Variants in AMDHD2 observed in about 807,000 individuals in gnomAD.
AMDHD2 encodes N-acetylglucosamine-6-phosphate deacetylase.
AMDHD2 carries 24 observed loss-of-function variants against 41.8 expected under a neutral mutation model. The ratio of observed to expected loss-of-function variants is 0.57; its 90% confidence interval spans 0.42 to 0.81. The LOEUF is 0.81. Ranked by LOEUF, AMDHD2 falls within the 30% of genes least tolerant of loss-of-function variation. The pLI, the probability that AMDHD2 is intolerant of heterozygous loss-of-function variation, is 0.00. For missense variants in AMDHD2, 540 were observed against 588.5 expected (o/e 0.92, Z 0.85); for synonymous variants, 332 against 255.5 (o/e 1.30, Z -2.85).
Position 2,527,235 on chromosome 16 carries a change from G to C in AMDHD2, c.361-326G>C. The C allele has an allele frequency of 4.4e-6, 2 of 454,962 alleles. No individual in the cohort carries two copies. Among genetic ancestry groups the C allele is most frequent in the South Asian group, 5.1e-5 (2 of 39,054 alleles). 28.2% of individuals were successfully genotyped at this position (454,962 alleles called of 1,614,324 possible). On this transcript the variant is annotated intron_variant, in intron 3 of 10. Transcript: ENST00000293971. The surrounding 1 kb of genome is among the most constrained non-coding windows in gnomAD (Gnocchi z 6.1). ...CATGCCCACACTGAGCTCTGCCCCA[G>C]GGTCCCTGCTGCTCCCAGGAGCCTC...
In AMDHD2 at chr16:2,520,422, G is replaced by T; in HGVS notation, c.-37G>T. ...ACTGGGCGCGGGATTTGGCCGCCGC[G>T]GGGCTCCGGAGCCGCTCGCTCCCGA... On this transcript the variant is annotated 5_prime_UTR_variant, in exon 1 of 11. Transcript: ENST00000293971. 1 of 1,223,992 alleles carries T rather than the reference G, an allele frequency of 8.2e-7. No individual in the cohort carries two copies. The highest frequency in any genetic ancestry group is 1.0e-6 in the Non-Finnish European group (1 of 979,146). 75.8% of individuals were successfully genotyped at this position (1,223,992 alleles called of 1,614,324 possible).
rs1247913804 is a variant in AMDHD2, at chr16:2,527,781, C to T, written c.424C>T (p.Leu142=). The T allele has an allele frequency of 7.6e-6, 12 of 1,577,420 alleles. No individual in the cohort carries two copies. Among genetic ancestry groups the T allele is most frequent in the Middle Eastern group, 1.8e-4 (1 of 5,694 alleles). The part of the protein sequence containing the change: ...PHGAGVLGLH[L]EGPFISREKR... ...TTGCTCCCTCCTCCCAGGGCTGCAC[C>T]TGGAGGGCCCCTTCATCAGCCGGGA... The change falls in exon 5 of 11, where the codon CTG becomes TTG. Residue 142 remains leucine, a synonymous_variant. Coordinates refer to ENST00000293971, the MANE Select transcript of AMDHD2 (RefSeq NM_001330449.2). The surrounding 1 kb of genome is among the most constrained non-coding windows in gnomAD (Gnocchi z 6.1).
Position 2,530,951 on chromosome 16 carries a change from G to A in AMDHD2, c.*1388G>A. 2 of 1,613,594 alleles carry A rather than the reference G, an allele frequency of 1.2e-6. No homozygotes were observed. The highest frequency in any genetic ancestry group is 4.5e-5 in the East Asian group (2 of 44,888). On this transcript the variant is annotated 3_prime_UTR_variant, in exon 11 of 11. Coordinates refer to ENST00000293971, the MANE Select transcript of AMDHD2 (RefSeq NM_001330449.2). ...CAGCGCCTGCCTGTGCTGGGCCTGGGAGAGGAGCTGTCTTGCCAGGGCTCC... is the reference window on the plus strand; with the variant it reads ...CAGCGCCTGCCTGTGCTGGGCCTGGAAGAGGAGCTGTCTTGCCAGGGCTCC...
chr16:2,521,801 T>TG (rs2065942445), intron 3 of AMDHD2, among the ~76,000 whole-genome samples: 2 of 144,230 alleles, frequency 1.4e-5, no homozygotes, highest in African/African-American at 5.5e-5. Flanking sequence ...TTTTTTTTTT[T>TG]GAGACGGAGT....
At chr16:2,525,443 T>A (rs774635474) in intron 3 of AMDHD2, among the ~76,000 whole-genome samples, 21 of 151,692 alleles carry the variant, frequency 1.4e-4, no homozygotes, top group Non-Finnish European at 2.6e-4. Flanking sequence ...CTCGGCTTAC[T>A]GCAACCTCTG....
chr16:2,524,139 C>T (rs1235650766), intron 3 of AMDHD2, among the ~76,000 whole-genome samples: 2 of 152,224 alleles, frequency 1.3e-5, no homozygotes, highest in African/African-American at 4.8e-5. Context: ...ACTGGAGGCC[C>T]CTTTTCACTC....
At chr16:2,524,396 G>T (rs2065977967) in intron 3 of AMDHD2, among the ~76,000 whole-genome samples, 2 of 152,134 alleles carry the variant, frequency 1.3e-5, no homozygotes, top group Admixed American at 1.3e-4. Flanking sequence ...CCTCCAGGGG[G>T]CAGCCAGGCC....
At position 2,529,577 on chromosome 16, in the gene AMDHD2, TGA is replaced by T. The variant is rs751414050; in HGVS notation, c.*18_*19del. 3.7e-6 allele frequency: 6 copies of T among 1,605,646 alleles called. No homozygotes were observed. The highest frequency in any genetic ancestry group is 2.2e-5 in the East Asian group (1 of 44,876). On this transcript the variant is annotated 3_prime_UTR_variant, in exon 11 of 11. Coordinates refer to ENST00000293971, the MANE Select transcript of AMDHD2 (RefSeq NM_001330449.2). The stretch of plus-strand genomic sequence containing the variant: ...GCTAGGCAGTGACAAGGACCTCGGC[TGA>T]GAGGACACCTGGCCGCAGCGGGATG...
chr16:2,531,372 T>G lies in AMDHD2; in HGVS notation c.*1809T>G, dbSNP rs2066094738. On this transcript the variant is annotated 3_prime_UTR_variant, in exon 11 of 11. Coordinates refer to ENST00000293971, the MANE Select transcript of AMDHD2 (RefSeq NM_001330449.2). ...GCACTCTTGGTTGGTTTTGGTTTGC[T>G]TTTTAAAAATTGTGGTAAAATACAT... 1 of 504,760 alleles carries G rather than the reference T, an allele frequency of 2.0e-6. No individual in the cohort carries two copies. The highest frequency in any genetic ancestry group is 3.6e-6 in the Non-Finnish European group (1 of 276,654). 31.3% of individuals were successfully genotyped at this position (504,760 alleles called of 1,614,324 possible). A position where few individuals can be genotyped will look rare whatever the true frequency, so the allele number is the denominator to read the frequency against.
chr16:2,527,634 C>T lies in AMDHD2; in HGVS notation c.415+19C>T, dbSNP rs755389636. On this transcript the variant is annotated intron_variant, in intron 4 of 10. Coordinates refer to ENST00000293971, the MANE Select transcript of AMDHD2 (RefSeq NM_001330449.2). The surrounding 1 kb of genome is among the most constrained non-coding windows in gnomAD (Gnocchi z 6.1). ...GTCCTCGGTGAGTGGCTGACCTCCT[C>T]CCCGCCCCCACCCTGGGAGGCTCCT... 1 of 1,605,642 alleles carries T rather than the reference C, an allele frequency of 6.2e-7. No homozygotes were observed. Among genetic ancestry groups the T allele is most frequent in the South Asian group, 1.1e-5 (1 of 89,684 alleles).
rs147116016 is a variant in AMDHD2 at position 2,527,308 on chromosome 16, C to CA, written c.361-252dup. On this transcript the variant is annotated intron_variant, in intron 3 of 10. Transcript: ENST00000293971. The surrounding 1 kb of genome is among the most constrained non-coding windows in gnomAD (Gnocchi z 6.1). Reference sequence around the variant, plus strand: ...GGGCTGCTGTGCCCAGGGCCACCCTCAGTGCCCACAAGCCTGCCCACATGG... The same window carrying CA: ...GGGCTGCTGTGCCCAGGGCCACCCTCAAGTGCCCACAAGCCTGCCCACATGG... Among the ~76,000 whole-genome samples the CA allele has an allele frequency of 0.024, 3,590 of 152,260 alleles. 146 individuals carry two copies. The highest frequency in any genetic ancestry group is 0.08 in the African/African-American group (3,334 of 41,516).
Position 2,530,161 on chromosome 16 carries a change from G to C in AMDHD2, c.*598G>C. On this transcript the variant is annotated 3_prime_UTR_variant, in exon 11 of 11. Transcript: ENST00000293971. ...GAGGGAGACTGGGCCCGGGACCCCT[G>C]TTTTCTGCTCCCTGGACTGCCTAGC... 1 of 1,446,920 alleles carries C rather than the reference G, an allele frequency of 6.9e-7. No homozygotes were observed. The highest frequency in any genetic ancestry group is 9.1e-7 in the Non-Finnish European group (1 of 1,097,650). The allele number at this position is 1,446,920 out of a possible 1,614,324, so 89.6% of individuals were successfully genotyped here. A position where few individuals can be genotyped will look rare whatever the true frequency, so the allele number is the denominator to read the frequency against.
At position 2,529,585 on chromosome 16, in the gene AMDHD2, C is replaced by A; in HGVS notation, c.*22C>A. ...GTGACAAGGACCTCGGCTGAGAGGA[C>A]ACCTGGCCGCAGCGGGATGCCATCA... On this transcript the variant is annotated 3_prime_UTR_variant, in exon 11 of 11. Transcript: ENST00000293971. The A allele has an allele frequency of 6.2e-7, 1 of 1,604,560 alleles. No individual in the cohort carries two copies. The highest frequency in any genetic ancestry group is 1.1e-5 in the South Asian group (1 of 91,080).
At position 2,529,544 on chromosome 16, in the gene AMDHD2, C is replaced by A; in HGVS notation, c.1211C>A (p.Ala404Glu). 6.3e-7 allele frequency: 1 copy of A among 1,578,350 alleles called. No homozygotes were observed. Reference protein sequence around the residue: ...TYISGELVWQADAARQ With the variant: ...TYISGELVWQEDAARQ ...ATCTCGGGTGAGCTGGTGTGGCAGGCGGACGCAGCTAGGCAGTGACAAGGA... is the reference window on the plus strand; with the variant it reads ...ATCTCGGGTGAGCTGGTGTGGCAGGAGGACGCAGCTAGGCAGTGACAAGGA... The change falls in exon 11 of 11, where the codon GCG (alanine) becomes GAG (glutamate). Residue 404 changes from alanine (A) to glutamate (E), a missense_variant. Coordinates refer to ENST00000293971, the MANE Select transcript of AMDHD2 (RefSeq NM_001330449.2).
chr16:2,530,937 T>C lies in AMDHD2; in HGVS notation c.*1374T>C, dbSNP rs2066086001. The C allele has an allele frequency of 6.2e-7, 1 of 1,613,386 alleles. No homozygotes were observed. ...AGGAAGTGGCTGTCCAGCGCCTGCC[T>C]GTGCTGGGCCTGGGAGAGGAGCTGT... On this transcript the variant is annotated 3_prime_UTR_variant, in exon 11 of 11. Coordinates refer to ENST00000293971, the MANE Select transcript of AMDHD2 (RefSeq NM_001330449.2).
rs2066061234 is a variant in AMDHD2, at chr16:2,529,815, G to A, written c.*252G>A. 8.4e-6 allele frequency: 12 copies of A among 1,427,098 alleles called. No individual in the cohort carries two copies. Among genetic ancestry groups the A allele is most frequent in the Non-Finnish European group, 1.1e-5 (12 of 1,094,236 alleles). 88.4% of individuals were successfully genotyped at this position (1,427,098 alleles called of 1,614,324 possible). On this transcript the variant is annotated 3_prime_UTR_variant, in exon 11 of 11. Coordinates refer to ENST00000293971, the MANE Select transcript of AMDHD2 (RefSeq NM_001330449.2). ...CCTGGAGAAGGCATTCACGGCCTGG[G>A]GTGGGATGGCTGGGCTGTAGTTTAG... is the stretch of plus-strand genomic sequence containing the variant.
chr16:2,530,583 G>A lies in AMDHD2; in HGVS notation c.*1020G>A, dbSNP rs531558523. ...GTGGCTCCCTTCCCCCTTGCTTACAGGTGCTGTCCTGGGCACAGGAGGTAC... is the reference window on the plus strand; with the variant it reads ...GTGGCTCCCTTCCCCCTTGCTTACAAGTGCTGTCCTGGGCACAGGAGGTAC... On this transcript the variant is annotated 3_prime_UTR_variant, in exon 11 of 11. Coordinates refer to ENST00000293971, the MANE Select transcript of AMDHD2 (RefSeq NM_001330449.2). The A allele has an allele frequency of 6.2e-7, 1 of 1,614,174 alleles. No homozygotes were observed. The highest frequency in any genetic ancestry group is 1.1e-5 in the South Asian group (1 of 91,086).
rs1254501820 is a variant in AMDHD2, at chr16:2,531,160, CT to C, written c.*1600del. On this transcript the variant is annotated 3_prime_UTR_variant, in exon 11 of 11. Coordinates refer to ENST00000293971, the MANE Select transcript of AMDHD2 (RefSeq NM_001330449.2). ...CAGAGCTGGTGAGCCCTGGGCCAGC[CT>C]TTGGGCCTGGCCTGCCCCATTCACC... The C allele has an allele frequency of 1.9e-5, 28 of 1,495,228 alleles. No individual in the cohort carries two copies. The African/African-American group carries it at 3.9e-4, about 21-fold the overall frequency. 92.6% of individuals were successfully genotyped at this position (1,495,228 alleles called of 1,614,324 possible).
At position 2,531,409 on chromosome 16, in the gene AMDHD2, C is replaced by G. The variant is rs1274262605; in HGVS notation, c.*1846C>G. 2.0e-6 allele frequency: 1 copy of G among 498,762 alleles called. No homozygotes were observed. Among genetic ancestry groups the G allele is most frequent in the African/African-American group, 1.9e-5 (1 of 52,354 alleles). 30.9% of individuals were successfully genotyped at this position (498,762 alleles called of 1,614,324 possible). On this transcript the variant is annotated 3_prime_UTR_variant, in exon 11 of 11. Transcript: ENST00000293971. ...GTGGTAAAATACATAACAAAAGTAA[C>G]TATCGTAACCTGAGCAGTTCTGTGA...
Sources: gnomAD v4.1 joint callset for allele counts (sites outside exome capture counted in the v4.1 genomes callset) on GRCh38, gnomAD v4.1.1 for gene constraint, Gnocchi (gnomAD v3.1) non-coding constraint, MANE v1.5 for transcripts, NCBI Gene and HGNC (gene_info 2026-07-23, HGNC 2026-07-21) for gene names.